Variants in NEBL observed in about 807,000 individuals in gnomAD.
NEBL encodes LIM and SH3 protein 2.
Under a neutral mutation model 140.2 loss-of-function variants are expected in NEBL, and 122 were observed. That is an observed-to-expected ratio of 0.87 (90% CI 0.75 to 1.01). The LOEUF (loss-of-function observed/expected upper bound fraction) is 1.01. Ranked by LOEUF, NEBL falls within the 50% of genes least tolerant of loss-of-function variation. The pLI is 0.00. For synonymous variants in NEBL, 436 were observed against 398.9 expected (o/e 1.09, Z -1.11); for missense variants, 1,365 against 1,231.3 (o/e 1.11, Z -1.62).
intron 2 of NEBL, among the ~76,000 whole-genome samples, chr10:21,122,293 T>G (rs1838616581): frequency 6.6e-6 from 1 of 151,912 alleles, no homozygotes; most frequent in Non-Finnish European, 1.5e-5. Context: ...CCCAAAGTAC[T>G]GGAATTACAG....
intron 3 of NEBL, among the ~76,000 whole-genome samples, chr10:21,201,490 C>T (rs1483353771): frequency 6.6e-6 from 1 of 151,928 alleles, no homozygotes; most frequent in Non-Finnish European, 1.5e-5. Context: ...TTTTGTGGGT[C>T]CTGAAGCTTA....
At chr10:21,238,308 G>C (rs1432320564) in intron 3 of NEBL, among the ~76,000 whole-genome samples, 1 of 152,194 alleles carries the variant, frequency 6.6e-6, no homozygotes, top group Non-Finnish European at 1.5e-5. Context: ...CAATGTCCAG[G>C]TGAATGTCTA....
intron 3 of NEBL, among the ~76,000 whole-genome samples, chr10:20,964,619 A>G (rs1440881415): frequency 6.6e-6 from 1 of 152,176 alleles, no homozygotes; most frequent in Non-Finnish European, 1.5e-5. Flanking sequence ...CCATTAGTGC[A>G]TACCTTCAAT....
chr10:21,237,856 C>G (rs1842380731), intron 3 of NEBL, among the ~76,000 whole-genome samples: 1 of 152,000 alleles, frequency 6.6e-6, no homozygotes, highest in Non-Finnish European at 1.5e-5. Context: ...ATCCACCCGC[C>G]TCAATCTCCC....
intron 2 of NEBL, among the ~76,000 whole-genome samples, chr10:21,074,754 A>G (rs1171751297): frequency 6.6e-6 from 1 of 151,444 alleles, no homozygotes; most frequent in Non-Finnish European, 1.5e-5. Flanking sequence ...CTGGGATTAT[A>G]GGCGTGAGCC....
At chr10:21,234,817 A>AAC (rs1842327013) in intron 3 of NEBL, among the ~76,000 whole-genome samples, 1 of 151,818 alleles carries the variant, frequency 6.6e-6, no homozygotes, top group African/African-American at 2.4e-5. Flanking sequence ...CTCTGCCCTG[A>AAC]AGTTTCAGAA....
chr10:21,272,619 G>C (rs1382265106), intron 1 of NEBL, among the ~76,000 whole-genome samples: 2 of 152,102 alleles, frequency 1.3e-5, no homozygotes, highest in Non-Finnish European at 2.9e-5. Flanking sequence ...CAAAACACCA[G>C]GGGTTCTTGC....
At chr10:21,155,800 C>T (rs1340047839) in intron 2 of NEBL, among the ~76,000 whole-genome samples, 1 of 152,206 alleles carries the variant, frequency 6.6e-6, no homozygotes, top group Non-Finnish European at 1.5e-5. Flanking sequence ...ATCACATGGT[C>T]ATTCGTGTTT....
intron 3 of NEBL, among the ~76,000 whole-genome samples, chr10:21,186,554 C>G (rs1208064221): frequency 6.6e-6 from 1 of 152,176 alleles, no homozygotes; most frequent in Non-Finnish European, 1.5e-5. Flanking sequence ...TTAAATCAAG[C>G]TTGTCCAACC....
At chr10:21,158,269 G>A (rs1244328475) in intron 2 of NEBL, among the ~76,000 whole-genome samples, 1 of 152,040 alleles carries the variant, frequency 6.6e-6, no homozygotes, top group Non-Finnish European at 1.5e-5. Flanking sequence ...TCTAAAACTT[G>A]GGATGTTTTC....
intron 2 of NEBL, among the ~76,000 whole-genome samples, chr10:21,023,796 G>A (rs1234045973): frequency 6.6e-6 from 1 of 152,040 alleles, no homozygotes; most frequent in Non-Finnish European, 1.5e-5. Flanking sequence ...TTAGAGGAGA[G>A]TGCAATTTGT....
chr10:20,817,961 T>A (rs1462731432), intron 20 of NEBL, among the ~76,000 whole-genome samples: 1 of 152,150 alleles, frequency 6.6e-6, no homozygotes, highest in Non-Finnish European at 1.5e-5. Context: ...ATAAAAGTAA[T>A]GGAATCATAA....
At chr10:21,154,458 C>CACAA (rs1840262373) in intron 2 of NEBL, among the ~76,000 whole-genome samples, 1 of 117,712 alleles carries the variant, frequency 8.5e-6, no homozygotes, top group African/African-American at 2.9e-5. Flanking sequence ...GACTCTGCTT[C>CACAA]AAAAAAAAAA....
chr10:21,230,485 A>G (rs1842231741), intron 3 of NEBL, among the ~76,000 whole-genome samples: 1 of 152,202 alleles, frequency 6.6e-6, no homozygotes, highest in Non-Finnish European at 1.5e-5. Flanking sequence ...CTATGGTTTC[A>G]AGATGAATGT....
chr10:20,786,124 A>G (rs1835384370), intron 27 of NEBL, among the ~76,000 whole-genome samples: 1 of 152,224 alleles, frequency 6.6e-6, no homozygotes, highest in African/African-American at 2.4e-5. Flanking sequence ...TATTTTTGGA[A>G]CAGGGATAGA....
At chr10:21,267,640 G>A (rs888569890) in intron 1 of NEBL, among the ~76,000 whole-genome samples, 3 of 152,122 alleles carry the variant, frequency 2.0e-5, no homozygotes, top group Non-Finnish European at 2.9e-5. Flanking sequence ...ACATGTTCCC[G>A]ACAGTGTGGT....
intron 2 of NEBL, among the ~76,000 whole-genome samples, chr10:21,048,451 C>A (rs1359358083): frequency 1.9e-3 from 198 of 103,050 alleles, no homozygotes; most frequent in African/African-American, 2.4e-3. Flanking sequence ...AAATTTCTAC[C>A]AAAAAAAAAA....
intron 2 of NEBL, among the ~76,000 whole-genome samples, chr10:21,077,480 G>A (rs1836154485): frequency 6.6e-6 from 1 of 152,004 alleles, no homozygotes. Context: ...GGTGGCAGGT[G>A]CCTGTAGTCC....
chr10:20,947,715 A>C lies in NEBL; in HGVS notation c.357+13957T>G, dbSNP rs551516790. 3.2e-4 allele frequency among the ~76,000 whole-genome samples: 48 copies of C among 151,586 alleles called. No individual in the cohort carries two copies. The South Asian group carries it at 9.6e-3, about 30-fold the overall frequency. On this transcript the variant is annotated intron_variant, in intron 4 of 6. Transcript: ENST00000417816. Reference sequence around the variant, plus strand: ...CACACACACACACACACACACACACACAGTGTCAGGAGACAAAAGGGTAAT... The same window carrying C: ...CACACACACACACACACACACACACCCAGTGTCAGGAGACAAAAGGGTAAT...
Sources: gnomAD v4.1 joint callset for allele counts (sites outside exome capture counted in the v4.1 genomes callset) on GRCh38, gnomAD v4.1.1 for gene constraint, MANE v1.5 for transcripts, NCBI Gene and HGNC (gene_info 2026-07-23, HGNC 2026-07-21) for gene names.